Variants in MYCBP2 observed in about 807,000 individuals in gnomAD.
MYCBP2 encodes E3 ubiquitin-protein ligase MYCBP2.
In MYCBP2, 120 loss-of-function variants were observed where a neutral mutation model predicts 525.3. That is an observed-to-expected ratio of 0.23 (90% CI 0.20 to 0.27). The LOEUF is 0.27. Ranked by LOEUF, MYCBP2 falls within the 10% of genes least tolerant of loss-of-function variation. The pLI is 1.00. For synonymous variants in MYCBP2, 1,894 were observed against 1,955.8 expected, an observed-to-expected ratio of 0.97 and a Z score of 0.83; for missense variants, 4,149 against 5,657.1, an observed-to-expected ratio of 0.73 and a Z score of 8.55.
chr13:77,057,626 G>A (rs1157277860), intron 78 of MYCBP2, among the ~76,000 whole-genome samples: 1 of 151,984 alleles, frequency 6.6e-6, no homozygotes, highest in Non-Finnish European at 1.5e-5. Flanking sequence ...AGCTACTGGG[G>A]GATAATCTAA....
intron 47 of MYCBP2, among the ~76,000 whole-genome samples, chr13:77,150,034 T>C (rs2056225501): frequency 6.6e-6 from 1 of 152,184 alleles, no homozygotes; most frequent in Non-Finnish European, 1.5e-5. Flanking sequence ...TCTCTGAAAA[T>C]GCCAAAATTA....
At chr13:77,317,937 A>G (rs1036426566) in intron 1 of MYCBP2, among the ~76,000 whole-genome samples, 1 of 144,954 alleles carries the variant, frequency 6.9e-6, no homozygotes, top group African/African-American at 2.6e-5. Flanking sequence ...ACTCCGTCTC[A>G]AAACATAACA....
intron 54 of MYCBP2, among the ~76,000 whole-genome samples, chr13:77,122,898 T>C (rs953912519): frequency 6.6e-6 from 1 of 152,130 alleles, no homozygotes; most frequent in Non-Finnish European, 1.5e-5. Flanking sequence ...CAGCATGCAA[T>C]ATTTCAGCAG....
chr13:77,234,478 A>G (rs1019428137), intron 17 of MYCBP2, among the ~76,000 whole-genome samples: 3 of 152,008 alleles, frequency 2.0e-5, no homozygotes, highest in Non-Finnish European at 4.4e-5. Flanking sequence ...CAAGTGGGTA[A>G]AGGAACCATA....
At position 77,270,538 on chromosome 13, in the gene MYCBP2, C is replaced by A. The variant is rs370227728; in HGVS notation, c.946G>T (p.Val316Leu). 24 of 1,593,736 alleles carry A rather than the reference C, an allele frequency of 1.5e-5. No individual in the cohort carries two copies. In the African/African-American group the frequency reaches 2.6e-4, roughly 17 times the overall value. The change falls in exon 6 of 83, where the codon GTG becomes TTG. Residue 316 changes from valine (V) to leucine (L), a missense_variant and splice_region_variant. By Grantham distance (32) the Val-to-Leu change is conservative. Around this residue, in one of 21 missense-constraint regions of MYCBP2, gnomAD observed 413 missense variants for 451.2 expected, o/e 0.92. Coordinates refer to ENST00000544440, the MANE Select transcript of MYCBP2 (RefSeq NM_015057.5). ...NGSHACQTIQ[V>L]PTILNSLQRS... ...TGTAGCGAATTTAGAATTGTTGGCA[C>A]CTAATCAAAAGAGAAGAAAAATAAT...
intron 68 of MYCBP2, chr13:77,075,696 G>C (rs2042174714): frequency 6.6e-6 from 1 of 152,116 alleles, no homozygotes; most frequent in Non-Finnish European, 1.5e-5. Flanking sequence ...GGGGAATGCA[G>C]AGGGTTCATA....
At chr13:77,173,558 A>G (rs1467106101) in intron 37 of MYCBP2, among the ~76,000 whole-genome samples, 1 of 152,194 alleles carries the variant, frequency 6.6e-6, no homozygotes, top group Non-Finnish European at 1.5e-5. Context: ...ATTTTATACT[A>G]TCTACGTAGG....
At chr13:77,207,203 A>G (rs1484111236) in intron 23 of MYCBP2, among the ~76,000 whole-genome samples, 1 of 152,234 alleles carries the variant, frequency 6.6e-6, no homozygotes, top group African/African-American at 2.4e-5. Context: ...CAGCTACAAT[A>G]TCCTCAATGT....
rs755716607 is a variant in MYCBP2 at position 77,174,325 on chromosome 13, C to T, written c.5637G>A (p.Gln1879=). Residue 1879 remains glutamine, a synonymous_variant, in exon 37 of 83, where the codon CAG becomes CAA. Transcript: ENST00000544440. Reference sequence around the variant, plus strand: ...CATTCACCCACCTATAGTAGAGTATCTGTGGGATCTGTCCTCTGGTTTGGT... The same window carrying T: ...CATTCACCCACCTATAGTAGAGTATTTGTGGGATCTGTCCTCTGGTTTGGT... The part of the protein sequence containing the change: ...GTNQTRGQIP[Q]ILYYRSEFDG... 4 of 1,613,904 alleles carry T rather than the reference C, an allele frequency of 2.5e-6. No homozygotes were observed. The African/African-American group carries it at 4.0e-5, about 16-fold the overall frequency.
Position 77,326,629 on chromosome 13 carries a change from C to A in MYCBP2, c.147G>T (p.Ala49=). The part of the protein sequence containing the change: ...MPVPDGSVAA[A]GLGLGLPAAD... ...CGGCGGGTAGCCCCAGCCCCAGCCC[C>A]GCAGCAGCCACGGAGCCGTCGGGAA... The change falls in exon 1 of 83, where the codon GCG becomes GCT. Residue 49 remains alanine, a synonymous_variant. Coordinates refer to ENST00000544440, the MANE Select transcript of MYCBP2 (RefSeq NM_015057.5). The surrounding 1 kb of genome is among the most constrained non-coding windows in gnomAD (Gnocchi z 4.2). The A allele has an allele frequency of 6.4e-7, 1 of 1,557,702 alleles. No homozygotes were observed.
intron 20 of MYCBP2, 122 bp downstream of exon 20, chr13:77,224,329 T>C: frequency 1.5e-6 from 1 of 661,912 alleles, no homozygotes; most frequent in Non-Finnish European, 2.6e-6. Flanking sequence ...TGCAAAGCAG[T>C]GGTATAATAT....
At chr13:77,212,917 C>A (rs2064230352) in intron 21 of MYCBP2, among the ~76,000 whole-genome samples, 1 of 152,158 alleles carries the variant, frequency 6.6e-6, no homozygotes, top group African/African-American at 2.4e-5. Context: ...CGGGACCTCT[C>A]TCCCCTCACA....
At chr13:77,158,225 C>T (rs1253163692) in intron 44 of MYCBP2, 116 bp from the exon 45 acceptor site, 9 of 550,668 alleles carry the variant, frequency 1.6e-5, no homozygotes, top group Admixed American at 4.1e-5. Flanking sequence ...ATTTTCTCCA[C>T]GTACCCCACT....
intron 34 of MYCBP2, among the ~76,000 whole-genome samples, chr13:77,178,805 T>A (rs940252862): frequency 1.1e-4 from 16 of 152,222 alleles, no homozygotes; most frequent in African/African-American, 3.9e-4. Flanking sequence ...ACTTTTGGTA[T>A]TCCTTTTCAT....
At chr13:77,232,295 T>C (rs2067242996) in intron 18 of MYCBP2, among the ~76,000 whole-genome samples, 1 of 152,200 alleles carries the variant, frequency 6.6e-6, no homozygotes, top group African/African-American at 2.4e-5. Flanking sequence ...TCCTATTCTA[T>C]TTTGCAGGAC....
rs2078215647 is a variant in MYCBP2, at chr13:77,296,619, T to C, written c.358A>G (p.Lys120Glu). ...KLKRKQKSKS[K>E]VKTRSKSENL... ...TTTACCTTGCTTCTTGTCTTCACTTTTGATTTGCTCTTCTGTTTTCTTTTC... is the reference window on the plus strand; with the variant it reads ...TTTACCTTGCTTCTTGTCTTCACTTCTGATTTGCTCTTCTGTTTTCTTTTC... The change falls in exon 2 of 83, where the codon AAA becomes GAA. Residue 120 changes from lysine to glutamate, a missense_variant. By Grantham distance (56) the Lys-to-Glu change is moderately conservative. This residue lies in a region of MYCBP2 where 413 missense variants were observed against 451.2 expected (regional missense o/e 0.92). Coordinates refer to ENST00000544440, the MANE Select transcript of MYCBP2 (RefSeq NM_015057.5). The C allele has an allele frequency of 6.3e-7, 1 of 1,577,702 alleles. No homozygotes were observed. The highest frequency in any genetic ancestry group is 1.2e-5 in the South Asian group (1 of 83,750).
At position 77,095,510 on chromosome 13, in the gene MYCBP2, G is replaced by A. The variant is rs770611869; in HGVS notation, c.10047C>T (p.Leu3349=). The A allele has an allele frequency of 9.3e-6, 15 of 1,613,522 alleles. 1 individual carries two copies. In the South Asian group the frequency reaches 1.6e-4, roughly 18 times the overall value. The change falls in exon 58 of 83, where the codon CTC becomes CTT. Residue 3349 remains leucine, a synonymous_variant. Transcript: ENST00000544440. Reference sequence around the variant, plus strand: ...CTGCACTGCTCAGGGACAGCAGGAAGAGTGCATTGGCTTTAATCACCTGGT... The same window carrying A: ...CTGCACTGCTCAGGGACAGCAGGAAAAGTGCATTGGCTTTAATCACCTGGT... ...EAHQVIKANA[L]FLLSLSSAAE...
intron 67 of MYCBP2, 134 bp from the exon 68 acceptor site, chr13:77,076,983 T>C: frequency 8.7e-7 from 1 of 1,144,728 alleles, no homozygotes; most frequent in Non-Finnish European, 1.2e-6. Flanking sequence ...TTTTCTTAAT[T>C]ACAAATGCAA....
In MYCBP2 at chr13:77,057,070, G is replaced by A. The variant is rs1476119680; in HGVS notation, c.13353C>T (p.His4451=). The change falls in exon 79 of 83, where the codon CAC becomes CAT. Residue 4451 remains histidine, a synonymous_variant. Transcript: ENST00000544440. ...AIQLDCSHIF[H]LQCCRRVLEN... ...CTAATACTCGCCGACAGCACTGTAA[G>A]TGGAATATGTGACTACAATCCAGCT... is the stretch of plus-strand genomic sequence containing the variant. 3 of 1,613,332 alleles carry A rather than the reference G, an allele frequency of 1.9e-6. No homozygotes were observed. Among genetic ancestry groups the A allele is most frequent in the East Asian group, 4.5e-5 (2 of 44,854 alleles).
Sources: gnomAD v4.1 joint callset for allele counts (sites outside exome capture counted in the v4.1 genomes callset) on GRCh38, gnomAD v4.1.1 for gene constraint, gnomAD v4.1.1 regional missense constraint, Gnocchi (gnomAD v3.1) non-coding constraint, MANE v1.5 for transcripts, NCBI Gene and HGNC (gene_info 2026-07-23, HGNC 2026-07-21) for gene names.